The following TAFA4 variants were observed in gnomAD, a reference collection of about 807,000 sequenced individuals.
TAFA4 encodes the protein chemokine-like protein TAFA-4.
Under a neutral mutation model 21.1 loss-of-function variants are expected in TAFA4, and 20 were observed. The observed-to-expected ratio is 0.95, with a 90% CI of 0.67 to 1.38. The LOEUF is 1.38. Among genes scored for constraint, TAFA4 ranks in the 40% most tolerant of loss-of-function variants. The pLI, the probability that TAFA4 is intolerant of heterozygous loss-of-function variation, is 0.00. For missense variants in TAFA4, 211 were observed against 180.9 expected, an observed-to-expected ratio of 1.17 and a Z score of -0.95; for synonymous variants, 71 against 67.4, an observed-to-expected ratio of 1.05 and a Z score of -0.26.
intron 3 of TAFA4, among the ~76,000 whole-genome samples, chr3:68,802,814 T>C (rs1214039312): frequency 6.6e-6 from 1 of 152,224 alleles, no homozygotes; most frequent in Admixed American, 6.5e-5. Flanking sequence ...GTAGAATTAA[T>C]GCATATAGCA....
At chr3:68,871,063 C>A (rs887283863) in intron 3 of TAFA4, among the ~76,000 whole-genome samples, 1 of 152,022 alleles carries the variant, frequency 6.6e-6, no homozygotes, top group Non-Finnish European at 1.5e-5. Context: ...ACAACAGATG[C>A]GGTAGAGGAT....
intron 3 of TAFA4, among the ~76,000 whole-genome samples, chr3:68,796,955 T>C (rs945597613): frequency 6.6e-6 from 1 of 152,120 alleles, no homozygotes; most frequent in African/African-American, 2.4e-5. Flanking sequence ...TTCATTACAA[T>C]GACTACTATC....
chr3:68,758,964 C>A (rs1215817632), intron 3 of TAFA4, among the ~76,000 whole-genome samples: 1 of 152,216 alleles, frequency 6.6e-6, no homozygotes, highest in Non-Finnish European at 1.5e-5. Flanking sequence ...CTGCAGTCTG[C>A]AAGATGGGGA....
intron 3 of TAFA4, among the ~76,000 whole-genome samples, chr3:68,836,648 A>G (rs1704529565): frequency 1.3e-5 from 2 of 152,232 alleles, no homozygotes; most frequent in Admixed American, 6.5e-5. Flanking sequence ...AGAGAGAACT[A>G]AACATAAAAA....
chr3:68,752,466 A>AAAAG (rs1344875136), intron 4 of TAFA4, among the ~76,000 whole-genome samples: 3 of 152,238 alleles, frequency 2.0e-5, no homozygotes, highest in Non-Finnish European at 4.4e-5. Context: ...AACTAGAAAT[A>AAAAG]AAAGACAGGA....
At chr3:68,875,138 T>C (rs537900455) in intron 3 of TAFA4, among the ~76,000 whole-genome samples, 9 of 152,146 alleles carry the variant, frequency 5.9e-5, no homozygotes, top group African/African-American at 2.2e-4. Flanking sequence ...ACAACTCTCC[T>C]CAGCCTAACT....
At chr3:68,737,646 A>G (rs974550717) in intron 5 of TAFA4, among the ~76,000 whole-genome samples, 2 of 152,188 alleles carry the variant, frequency 1.3e-5, no homozygotes, top group Non-Finnish European at 2.9e-5. Flanking sequence ...TAGACTTAAT[A>G]TCTTTATATT....
chr3:68,891,943 T>C (rs2089734505), intron 1 of TAFA4, among the ~76,000 whole-genome samples: 1 of 152,214 alleles, frequency 6.6e-6, no homozygotes, highest in South Asian at 2.1e-4. Flanking sequence ...GCATGCACAA[T>C]GAAATGTAAC....
At chr3:68,888,190 G>C (rs77862262) in intron 1 of TAFA4, among the ~76,000 whole-genome samples, 2,553 of 151,388 alleles carry the variant, frequency 0.017, 64 homozygotes, top group African/African-American at 0.059. Context: ...TAAAACCTTA[G>C]TGCATGGACG....
rs1198267803 is a variant in TAFA4 at position 68,821,535 on chromosome 3, G to T, written c.130+59195C>A. Among the ~76,000 whole-genome samples, 2 of 19,470 alleles carry T rather than the reference G, an allele frequency of 1.0e-4. 1 individual carries two copies. The highest frequency in any genetic ancestry group is 8.1e-4 in the Admixed American group (2 of 2,476). 12.8% of individuals were successfully genotyped at this position (19,470 alleles called of 152,430 possible). A position where few individuals can be genotyped will look rare whatever the true frequency, so the allele number is the denominator to read the frequency against. On this transcript the variant is annotated intron_variant, in intron 3 of 5. Coordinates refer to ENST00000295569, the MANE Select transcript of TAFA4 (RefSeq NM_182522.5). ...GCTAATTTTTTGTATTTTTAGTAGAGACGGGGTTTCACCGTGTTAGCCAGG... is the reference window on the plus strand; with the variant it reads ...GCTAATTTTTTGTATTTTTAGTAGATACGGGGTTTCACCGTGTTAGCCAGG...
chr3:68,845,642 T>G (rs1575637844), intron 3 of TAFA4, among the ~76,000 whole-genome samples: 1 of 152,234 alleles, frequency 6.6e-6, no homozygotes, highest in South Asian at 2.1e-4. Context: ...GGCATGTTTA[T>G]GCAGCGGCTG....
chr3:68,888,407 G>A (rs2089695774), intron 1 of TAFA4, among the ~76,000 whole-genome samples: 1 of 151,964 alleles, frequency 6.6e-6, no homozygotes, highest in South Asian at 2.1e-4. Flanking sequence ...CCTCACCAGA[G>A]CCACCCTTAA....
rs201885594 is a variant in TAFA4, at chr3:68,783,707, G to A, written c.131-30689C>T. The stretch of plus-strand genomic sequence containing the variant: ...AGAGAGAGAGAGAGAGAGAGAGAGA[G>A]AAAGAAAAAGAAAGAAAGAAAGAAA... On this transcript the variant is annotated intron_variant, in intron 3 of 5. Transcript: ENST00000295569. Among the ~76,000 whole-genome samples the A allele has an allele frequency of 0.029, 1,740 of 60,702 alleles. 45 individuals carry two copies. In the East Asian group the frequency reaches 0.29, roughly 10 times the overall value. 39.8% of individuals were successfully genotyped at this position (60,702 alleles called of 152,430 possible). A position where few individuals can be genotyped will look rare whatever the true frequency, so the allele number is the denominator to read the frequency against.
chr3:68,804,041 G>A (rs534853987), intron 3 of TAFA4, among the ~76,000 whole-genome samples: 1 of 151,870 alleles, frequency 6.6e-6, no homozygotes, highest in Non-Finnish European at 1.5e-5. Context: ...ACCTGCCTCA[G>A]CCTCCCAAAG....
At chr3:68,769,577 TTAC>T (rs1415982851) in intron 3 of TAFA4, among the ~76,000 whole-genome samples, 6 of 152,160 alleles carry the variant, frequency 3.9e-5, no homozygotes, top group Non-Finnish European at 7.3e-5. Context: ...TTGAGCATTT[TTAC>T]TACAAGGAAA....
At chr3:68,867,295 GA>G (rs2089431914) in intron 3 of TAFA4, among the ~76,000 whole-genome samples, 1 of 151,906 alleles carries the variant, frequency 6.6e-6, no homozygotes, top group Non-Finnish European at 1.5e-5. Flanking sequence ...AACTGCTAAA[GA>G]AAAAAACCAT....
chr3:68,783,749 G>GAAAGAAAGAAAGAAAGAAAGAAAGAA (rs1421530241), intron 3 of TAFA4, among the ~76,000 whole-genome samples: 1 of 135,990 alleles, frequency 7.4e-6, no homozygotes, highest in Non-Finnish European at 1.6e-5. Context: ...AAGAAAGTAA[G>GAAAGAAAGAAAGAAAGAAAGAAAGAA]AAAGAAAGAA....
chr3:68,785,495 G>A (rs960754173), intron 3 of TAFA4, among the ~76,000 whole-genome samples: 2 of 152,230 alleles, frequency 1.3e-5, no homozygotes, highest in African/African-American at 2.4e-5. Flanking sequence ...GCGAGAAATG[G>A]AGCACAGCAG....
At chr3:68,869,825 T>C (rs1254107333) in intron 3 of TAFA4, among the ~76,000 whole-genome samples, 2 of 151,976 alleles carry the variant, frequency 1.3e-5, no homozygotes, top group African/African-American at 4.8e-5. Flanking sequence ...AATTTACCAC[T>C]TTTTTTCAAC....
Sources: gnomAD v4.1 joint callset for allele counts (sites outside exome capture counted in the v4.1 genomes callset) on GRCh38, gnomAD v4.1.1 for gene constraint, MANE v1.5 for transcripts, NCBI Gene and HGNC (gene_info 2026-07-23, HGNC 2026-07-21) for gene names.